Variants in SASH1 observed in about 807,000 individuals in gnomAD.
SASH1 encodes SAM and SH3 domain-containing protein 1.
A neutral mutation model predicts 125.2 loss-of-function variants in SASH1; 44 were observed. The ratio of observed to expected loss-of-function variants is 0.35; its 90% CI spans 0.28 to 0.45. The LOEUF is 0.45. Ranked by LOEUF, SASH1 falls within the 20% of genes least tolerant of loss-of-function variation. The pLI, the probability that SASH1 is intolerant of heterozygous loss-of-function variation, is 1.00. For missense variants in SASH1, 1,426 were observed against 1,614.5 expected (o/e 0.88, Z 2.00); for synonymous variants, 639 against 649.1 (o/e 0.98, Z 0.24).
the SASH1 span, among the ~76,000 whole-genome samples, chr6:148,202,120 TG>T: frequency 1.3e-5 from 2 of 152,032 alleles, no homozygotes; most frequent in Non-Finnish European, 2.9e-5. Context: ...AGGCAAATGC[TG>T]GATTCAGTTT....
At chr6:148,522,634 T>C (rs186588276) in intron 10 of SASH1, among the ~76,000 whole-genome samples, 77 of 152,346 alleles carry the variant, frequency 5.1e-4, no homozygotes, top group Non-Finnish European at 5.3e-4. Context: ...CATTTTTGAA[T>C]TCAACCCCAA....
chr6:148,491,917 G>T (rs1376362003), intron 8 of SASH1, among the ~76,000 whole-genome samples: 1 of 152,092 alleles, frequency 6.6e-6, no homozygotes, highest in Admixed American at 6.6e-5. Flanking sequence ...GCCTTTTTGG[G>T]TCTCTAATCC....
chr6:148,525,280 C>G lies in SASH1; in HGVS notation c.1210-11C>G, dbSNP rs776047666. On this transcript the variant is annotated splice_polypyrimidine_tract_variant and intron_variant, in intron 10 of 19. Coordinates refer to ENST00000367467, the MANE Select transcript of SASH1 (RefSeq NM_015278.5). ...AACTGAAGTTTTTCTGCCCTACCCT[C>G]TTTTCCACAGAGAACCTGCAGTTTT... 2.5e-6 allele frequency: 4 copies of G among 1,613,518 alleles called. No homozygotes were observed. In the South Asian group the frequency reaches 3.3e-5, roughly 13 times the overall value.
the SASH1 span, among the ~76,000 whole-genome samples, chr6:148,246,875 G>C: frequency 6.6e-6 from 1 of 152,302 alleles, no homozygotes; most frequent in East Asian, 1.9e-4. Context: ...TCCATTTACT[G>C]ATTCATCAAA....
rs1782872907 is a variant in SASH1, at chr6:148,551,433, T to G, written c.*2875T>G. The G allele has an allele frequency of 6.6e-6, 1 of 152,580 alleles. No homozygotes were observed. The highest frequency in any genetic ancestry group is 6.5e-5 in the Admixed American group (1 of 15,282). 9.5% of individuals were successfully genotyped at this position (152,580 alleles called of 1,614,324 possible). ...CACTTCAAAGCTGTCTGGAAGGAAA[T>G]GCAGTCAGCTCCAGCTAGTACTATT... On this transcript the variant is annotated 3_prime_UTR_variant, in exon 20 of 20. Coordinates refer to ENST00000367467, the MANE Select transcript of SASH1 (RefSeq NM_015278.5).
the SASH1 span, among the ~76,000 whole-genome samples, chr6:148,201,359 T>A: frequency 6.6e-6 from 1 of 152,150 alleles, no homozygotes; most frequent in East Asian, 1.9e-4. Context: ...CCAAAGTACA[T>A]TGCCATCCGG....
Position 148,474,118 on chromosome 6 carries a change from G to A in SASH1, c.523G>A (p.Val175Ile), listed in dbSNP as rs759775810. Residue 175 changes from valine to isoleucine, a missense_variant, in exon 7 of 20, where the codon GTT becomes ATT. Around this residue, in one of 3 missense-constraint regions of SASH1, gnomAD observed 567 missense variants for 575.6 expected, o/e 0.99. Coordinates refer to ENST00000367467, the MANE Select transcript of SASH1 (RefSeq NM_015278.5). Reference protein sequence around the residue: ...IMRQTSKGEDVGYVASEITMS... With the variant: ...IMRQTSKGEDIGYVASEITMS... ...TTGTCCTCAATCTCCAGGAGAAGAC[G>A]TTGGTTATGTTGCCAGTGAAATAAC... 34 of 1,608,538 alleles carry A rather than the reference G, an allele frequency of 2.1e-5. No homozygotes were observed. The highest frequency in any genetic ancestry group is 2.6e-5 in the Non-Finnish European group (31 of 1,176,440).
At chr6:148,517,938 G>A (rs539238700) in intron 9 of SASH1, among the ~76,000 whole-genome samples, 23 of 152,314 alleles carry the variant, frequency 1.5e-4, no homozygotes, top group East Asian at 1.4e-3. Context: ...ACACCTGGGC[G>A]GATGGTGAAG....
upstream of SASH1, among the ~76,000 whole-genome samples, chr6:148,341,336 T>G (rs1582987710): frequency 6.7e-6 from 1 of 149,046 alleles, no homozygotes; most frequent in Non-Finnish European, 1.5e-5. Context: ...TTTTGTTTTT[T>G]TTTTTTTTGT....
chr6:148,534,639 T>A, intron 15 of SASH1, 112 bp from the exon 16 acceptor site: 1 of 1,027,560 alleles, frequency 9.7e-7, no homozygotes, highest in South Asian at 1.4e-5. Context: ...ATCTTTTGAT[T>A]AGCCTGAAGG....
At chr6:148,332,784 G>A (rs1339809782) in intron 1 of SASH1, among the ~76,000 whole-genome samples, 1 of 151,998 alleles carries the variant, frequency 6.6e-6, no homozygotes, top group Non-Finnish European at 1.5e-5. Flanking sequence ...TCAGGAGTTC[G>A]AGACCAGCCA....
intron 8 of SASH1, among the ~76,000 whole-genome samples, chr6:148,491,529 C>T (rs1002828311): frequency 2.0e-5 from 3 of 152,312 alleles, no homozygotes; most frequent in Admixed American, 1.3e-4. Flanking sequence ...CTCGGCCTAC[C>T]AAAGTACTGG....
At chr6:148,301,232 A>G (rs1368513884) in intron 1 of SASH1, among the ~76,000 whole-genome samples, 2 of 149,678 alleles carry the variant, frequency 1.3e-5, no homozygotes, top group African/African-American at 4.9e-5. Context: ...AGGCTGATGC[A>G]GGAGAATCAC....
At chr6:148,323,909 G>A (rs981464326) in intron 1 of SASH1, among the ~76,000 whole-genome samples, 7 of 151,850 alleles carry the variant, frequency 4.6e-5, no homozygotes, top group Non-Finnish European at 7.4e-5. Flanking sequence ...GGAGGATCAC[G>A]AGGTCAGGAG....
intron 1 of SASH1, among the ~76,000 whole-genome samples, chr6:148,365,273 T>A (rs553590148): frequency 3.9e-5 from 6 of 152,230 alleles, no homozygotes; most frequent in Non-Finnish European, 7.3e-5. Flanking sequence ...TCGTATGGTC[T>A]GTTGACATTG....
intron 4 of SASH1, among the ~76,000 whole-genome samples, chr6:148,448,031 C>T (rs539485299): frequency 5.3e-5 from 8 of 152,138 alleles, no homozygotes; most frequent in East Asian, 3.9e-4. Flanking sequence ...AGAATTCTCC[C>T]GTAATCCACA....
intron 1 of SASH1, among the ~76,000 whole-genome samples, chr6:148,303,967 C>T (rs1780048860): frequency 6.6e-6 from 1 of 152,056 alleles, no homozygotes; most frequent in Non-Finnish European, 1.5e-5. Flanking sequence ...CAATGTATGG[C>T]TCTAAATGCC....
intron 1 of SASH1, among the ~76,000 whole-genome samples, chr6:148,373,920 C>T (rs998110242): frequency 7.2e-5 from 11 of 152,200 alleles, no homozygotes; most frequent in African/African-American, 2.4e-4. Flanking sequence ...TTGCACTAAG[C>T]TGAGATGGTG....
intron 1 of SASH1, among the ~76,000 whole-genome samples, chr6:148,349,302 C>T (rs1198288218): frequency 8.1e-6 from 1 of 123,148 alleles, no homozygotes. Context: ...AACTCTGTTG[C>T]CCAGGCTGGA....
Sources: allele counts gnomAD v4.1 joint callset (sites outside exome capture counted in the v4.1 genomes callset), GRCh38; gene constraint gnomAD v4.1.1; regional missense constraint gnomAD v4.1.1; transcripts MANE v1.5; gene names NCBI Gene and HGNC (gene_info 2026-07-23, HGNC 2026-07-21).